Variants in HIVEP3 observed in about 807,000 individuals in gnomAD.
The protein encoded by HIVEP3 is HIVEP zinc finger 3, also known as transcription factor HIVEP3.
In HIVEP3, 49 loss-of-function variants were observed where a neutral mutation model predicts 152.8. That is an observed-to-expected ratio of 0.32 (90% CI 0.26 to 0.41). HIVEP3 has a LOEUF of 0.41. Ranked by LOEUF, HIVEP3 falls within the 10% of genes least tolerant of loss-of-function variation. HIVEP3 has a pLI of 1.00. For missense variants in HIVEP3, 2,790 were observed against 3,103.3 expected (o/e 0.90, Z 2.40); for synonymous variants, 1,269 against 1,289.0 (o/e 0.98, Z 0.33).
rs201172858 is a variant in HIVEP3, at chr1:41,581,926, C to T, written c.2872G>A (p.Glu958Lys). The change falls in exon 4 of 9, where the codon GAG (glutamate) becomes AAG (lysine). Residue 958 changes from glutamate to lysine, a missense_variant. Around this residue, in one of 9 missense-constraint regions of HIVEP3, gnomAD observed 1,078 missense variants for 1,165.3 expected, o/e 0.93. Transcript: ENST00000372583. This position sits in a 1 kb window ranked among gnomAD's most constrained non-coding sequence, Gnocchi z 4.5. Reference protein sequence around the residue: ...SFERDDHGKAEAPSPSSDMRP... With the variant: ...SFERDDHGKAKAPSPSSDMRP... ...ATGTCAGATGAGGGACTGGGGGCCTCGGCTTTCCCATGGTCATCCCTCTCA... is the reference window on the plus strand; with the variant it reads ...ATGTCAGATGAGGGACTGGGGGCCTTGGCTTTCCCATGGTCATCCCTCTCA... 1.8e-5 allele frequency: 29 copies of T among 1,614,122 alleles called. No individual in the cohort carries two copies. Among genetic ancestry groups the T allele is most frequent in the East Asian group, 6.7e-5 (3 of 44,876 alleles).
At chr1:41,794,318 A>G (rs1649863446) in intron 1 of HIVEP3, among the ~76,000 whole-genome samples, 1 of 152,186 alleles carries the variant, frequency 6.6e-6, no homozygotes, top group African/African-American at 2.4e-5. Flanking sequence ...CCATGATTCA[A>G]TTATCTCCAC....
chr1:41,510,858 C>T lies in HIVEP3; in HGVS notation c.6814G>A (p.Gly2272Arg), dbSNP rs11809423. 81,617 of 1,613,218 alleles carry T rather than the reference C, an allele frequency of 0.051. 3,544 individuals are homozygous for T. The highest frequency in any genetic ancestry group is 0.21 in the African/African-American group (15,622 of 74,978). Residue 2272 changes from glycine (G) to arginine (R), a missense_variant, in exon 9 of 9, where the codon GGG becomes AGG. Transcript: ENST00000372583. ...KFTLSSELEG[G>R]DYPKERERTG... ...CTCTCCCTCTCCTTGGGGTAGTCCC[C>T]GCCCTCCAGCTCTGAGGAGAGTGTG...
intron 3 of HIVEP3, among the ~76,000 whole-genome samples, chr1:41,597,151 G>A (rs780417653): frequency 6.6e-6 from 1 of 152,006 alleles, no homozygotes; most frequent in Non-Finnish European, 1.5e-5. Flanking sequence ...AAATTCTATC[G>A]AAAGCAAACA....
intron 1 of HIVEP3, among the ~76,000 whole-genome samples, chr1:41,855,768 A>G (rs2124390211): frequency 6.6e-6 from 1 of 152,330 alleles, no homozygotes; most frequent in South Asian, 2.1e-4. Context: ...AAATGCTCAC[A>G]GAGCCAGGCA....
At chr1:41,576,859 C>G (rs1644334734) in intron 4 of HIVEP3, among the ~76,000 whole-genome samples, 1 of 152,208 alleles carries the variant, frequency 6.6e-6, no homozygotes, top group Non-Finnish European at 1.5e-5. Context: ...AGGGCAACTT[C>G]TGTGACTCAG....
At chr1:41,720,684 A>G (rs1646661799) in intron 1 of HIVEP3, among the ~76,000 whole-genome samples, 1 of 152,214 alleles carries the variant, frequency 6.6e-6, no homozygotes, top group South Asian at 2.1e-4. Context: ...TGATCTAGCA[A>G]TCCCACTGCT....
rs1482090378 is a variant in HIVEP3, at chr1:42,035,851, G to C, written n.75C>G. On this transcript the variant is annotated non_coding_transcript_exon_variant, in exon 1 of 4. Transcript: ENST00000489103. ...GGCGGGAGGCGGCTTGGGATGCCGG[G>C]GTGGCGGGCGGCGGGCGGCAGCGCT... 3.3e-5 allele frequency: 5 copies of C among 149,972 alleles called. No individual in the cohort carries two copies. The East Asian group carries it at 9.8e-4, about 29-fold the overall frequency. 9.3% of individuals were successfully genotyped at this position (149,972 alleles called of 1,614,324 possible).
At chr1:41,639,449 C>T (rs888497885) in intron 2 of HIVEP3, among the ~76,000 whole-genome samples, 4 of 152,188 alleles carry the variant, frequency 2.6e-5, no homozygotes, top group Non-Finnish European at 4.4e-5. Context: ...ACTCTCACCC[C>T]CTCCCTGGGT....
chr1:41,966,500 G>T (rs1412415186), intron 1 of HIVEP3, among the ~76,000 whole-genome samples: 3 of 14,292 alleles, frequency 2.1e-4, no homozygotes, highest in Non-Finnish European at 5.4e-4. Context: ...TTGAGATGGA[G>T]TCTCGCTCTT....
intron 3 of HIVEP3, among the ~76,000 whole-genome samples, chr1:41,586,582 C>T (rs1446519891): frequency 6.6e-6 from 1 of 151,274 alleles, no homozygotes. Context: ...CTCAGGCTCC[C>T]CTCATGCTCA....
chr1:41,757,939 C>T (rs1430458215), intron 1 of HIVEP3, among the ~76,000 whole-genome samples: 1 of 152,078 alleles, frequency 6.6e-6, no homozygotes, highest in Admixed American at 6.6e-5. Flanking sequence ...CTTGAACTCC[C>T]GACCTCAGGT....
intron 1 of HIVEP3, among the ~76,000 whole-genome samples, chr1:41,886,128 G>C (rs980266607): frequency 6.6e-6 from 1 of 152,150 alleles, no homozygotes; most frequent in Non-Finnish European, 1.5e-5. Context: ...TTTCAACTCT[G>C]ATGTCTCCTC....
At chr1:41,893,790 T>C (rs1265032082) in intron 1 of HIVEP3, among the ~76,000 whole-genome samples, 1 of 147,524 alleles carries the variant, frequency 6.8e-6, no homozygotes, top group Admixed American at 6.8e-5. Flanking sequence ...TATATTTATA[T>C]ATTAAATATG....
intron 1 of HIVEP3, among the ~76,000 whole-genome samples, chr1:41,934,321 TC>T (rs2124481955): frequency 6.6e-6 from 1 of 152,286 alleles, no homozygotes; most frequent in South Asian, 2.1e-4. Context: ...TTAGCTGAAT[TC>T]ATATAGGTAT....
At chr1:41,896,577 CTTT>C (rs35154367) in intron 1 of HIVEP3, among the ~76,000 whole-genome samples, 9 of 141,336 alleles carry the variant, frequency 6.4e-5, no homozygotes, top group Admixed American at 7.1e-5. Context: ...CTTTTCTTTT[CTTT>C]TTTTTTTTTT....
intron 2 of HIVEP3, among the ~76,000 whole-genome samples, chr1:41,691,817 A>T (rs1490238136): frequency 6.6e-6 from 1 of 152,154 alleles, no homozygotes; most frequent in Non-Finnish European, 1.5e-5. Context: ...TACTTGATCA[A>T]ATTTATTTGT....
At chr1:41,824,784 T>TATAGAG (rs1553266584) in intron 1 of HIVEP3, among the ~76,000 whole-genome samples, 35 of 11,358 alleles carry the variant, frequency 3.1e-3, no homozygotes, top group Non-Finnish European at 4.2e-3. Context: ...TATATATATA[T>TATAGAG]AGAGAGAGAG....
chr1:42,015,432 C>T (rs1286106087), intron 1 of HIVEP3, among the ~76,000 whole-genome samples: 1 of 152,192 alleles, frequency 6.6e-6, no homozygotes, highest in African/African-American at 2.4e-5. Context: ...CATGCCAGAC[C>T]TGTGAGGGGT....
intron 1 of HIVEP3, among the ~76,000 whole-genome samples, chr1:41,750,444 AGT>A (rs1647141552): frequency 6.6e-6 from 1 of 152,220 alleles, no homozygotes; most frequent in African/African-American, 2.4e-5. Context: ...CCTAAGCTCC[AGT>A]GTGTGCATCA....
Sources: gnomAD v4.1 joint callset for allele counts (sites outside exome capture counted in the v4.1 genomes callset) on GRCh38, gnomAD v4.1.1 for gene constraint, gnomAD v4.1.1 regional missense constraint, Gnocchi (gnomAD v3.1) non-coding constraint, MANE v1.5 for transcripts, NCBI Gene and HGNC (gene_info 2026-07-23, HGNC 2026-07-21) for gene names.